ANXA8: variants seen among roughly 807,000 people sequenced by gnomAD.
ANXA8 encodes the protein annexin A8.
Under a neutral mutation model 26.8 loss-of-function variants are expected in ANXA8, and 9 were observed. The ratio of observed to expected loss-of-function variants is 0.34; its 90% CI spans 0.20 to 0.59. The LOEUF (loss-of-function observed/expected upper bound fraction) is 0.59, where lower values mean the gene tolerates loss of function less well. ANXA8 is among the 20% of genes least tolerant of loss of function. The probability of loss-of-function intolerance (pLI) is 0.84; values close to 1 mark genes in which losing one functional copy is unlikely to be tolerated. For missense variants in ANXA8, 83 were observed against 238.5 expected, an observed-to-expected ratio of 0.35 and a Z score of 4.29; for synonymous variants, 39 against 94.8, an observed-to-expected ratio of 0.41 and a Z score of 3.42.
the ANXA8 span, among the ~76,000 whole-genome samples, chr10:47,680,007 C>T: frequency 6.6e-6 from 1 of 151,152 alleles, no homozygotes; most frequent in African/African-American, 2.4e-5. Flanking sequence ...TGGAGTTTCT[C>T]TCTTGTTGCC....
At chr10:47,971,372 T>C in the ANXA8 span, among the ~76,000 whole-genome samples, 3 of 150,872 alleles carry the variant, frequency 2.0e-5, no homozygotes, top group Admixed American at 1.3e-4. Flanking sequence ...GCCCCTTTTT[T>C]CCAACTGAAG....
the ANXA8 span, among the ~76,000 whole-genome samples, chr10:47,535,186 C>T: frequency 1.5e-5 from 2 of 133,808 alleles, no homozygotes; most frequent in East Asian, 2.7e-4. Context: ...GTTGGCCAGG[C>T]TGTTCTCAAA....
the ANXA8 span, among the ~76,000 whole-genome samples, chr10:47,881,865 GTGTGTT>G: frequency 2.0e-5 from 3 of 151,812 alleles, no homozygotes. Context: ...GTGTCTATGT[GTGTGTT>G]TGTATGCAGG....
the ANXA8 span, among the ~76,000 whole-genome samples, chr10:47,950,745 GA>G: frequency 1.3e-5 from 2 of 150,848 alleles, no homozygotes; most frequent in Non-Finnish European, 2.9e-5. Flanking sequence ...GGATCAAAGA[GA>G]AAATCACAAA....
the ANXA8 span, among the ~76,000 whole-genome samples, chr10:47,687,707 T>C: frequency 6.6e-6 from 1 of 151,968 alleles, no homozygotes; most frequent in Non-Finnish European, 1.5e-5. Flanking sequence ...ACAGCTAATA[T>C]ACCAGTTATT....
chr10:47,768,247 T>C, the ANXA8 span, among the ~76,000 whole-genome samples: 59 of 151,604 alleles, frequency 3.9e-4, 1 homozygote, highest in African/African-American at 1.4e-3. Flanking sequence ...CTCCTGCCCC[T>C]CCTCCAGCTT....
chr10:47,546,225 A>T, the ANXA8 span, among the ~76,000 whole-genome samples: 3 of 140,870 alleles, frequency 2.1e-5, no homozygotes, highest in Non-Finnish European at 4.6e-5. Context: ...AAAAAAAAAA[A>T]AATCTTTTTT....
the ANXA8 span, among the ~76,000 whole-genome samples, chr10:47,649,443 T>C: frequency 1.3e-5 from 2 of 151,498 alleles, no homozygotes; most frequent in Admixed American, 1.3e-4. Context: ...GGAGTCTTGC[T>C]CTGTTGCCCA....
the ANXA8 span, among the ~76,000 whole-genome samples, chr10:47,547,305 T>G: frequency 1.2e-4 from 17 of 141,306 alleles, 1 homozygote; most frequent in Non-Finnish European, 2.2e-4. Context: ...CTACAGTACT[T>G]ACTGATTATA....
the ANXA8 span, among the ~76,000 whole-genome samples, chr10:47,957,566 A>C: frequency 6.7e-6 from 1 of 149,954 alleles, no homozygotes; most frequent in African/African-American, 2.5e-5. Flanking sequence ...TGACAGTGAA[A>C]GAAGATTTGT....
At chr10:47,755,416 C>T in the ANXA8 span, among the ~76,000 whole-genome samples, 40 of 152,310 alleles carry the variant, frequency 2.6e-4, no homozygotes, top group African/African-American at 8.7e-4. Flanking sequence ...CCACCACACC[C>T]AGCTAATTTT....
At chr10:47,907,214 G>A in the ANXA8 span, among the ~76,000 whole-genome samples, 32 of 151,862 alleles carry the variant, frequency 2.1e-4, no homozygotes, top group Non-Finnish European at 3.1e-4. Context: ...AAAATTAGCC[G>A]GGCGTGGTGG....
chr10:47,684,425 G>T, the ANXA8 span, among the ~76,000 whole-genome samples: 12 of 67,556 alleles, frequency 1.8e-4, no homozygotes, highest in South Asian at 2.1e-3. Context: ...TTTTTTTTTG[G>T]GGGGGGGGTG....
At chr10:47,495,355 G>C in the ANXA8 span, among the ~76,000 whole-genome samples, 1 of 148,154 alleles carries the variant, frequency 6.7e-6, no homozygotes, top group Non-Finnish European at 1.5e-5. Context: ...GCATGATCTC[G>C]GCTCACTGCA....
chr10:47,940,558 G>A, the ANXA8 span, among the ~76,000 whole-genome samples: 1 of 146,604 alleles, frequency 6.8e-6, no homozygotes, highest in Non-Finnish European at 1.5e-5. Flanking sequence ...GGCCGGGCAT[G>A]GTGGCTCACA....
At chr10:47,561,496 T>C in the ANXA8 span, among the ~76,000 whole-genome samples, 1 of 151,952 alleles carries the variant, frequency 6.6e-6, no homozygotes, top group Admixed American at 6.6e-5. Context: ...TGAGGCTTTG[T>C]GCCCTTTGAC....
chr10:47,511,029 C>T, the ANXA8 span, among the ~76,000 whole-genome samples: 45 of 126,584 alleles, frequency 3.6e-4, 4 homozygotes, highest in Non-Finnish European at 1.3e-4. Flanking sequence ...CTGCAAGCTC[C>T]GCCTCCCGGG....
At chr10:47,940,122 T>C in the ANXA8 span, among the ~76,000 whole-genome samples, 1 of 151,336 alleles carries the variant, frequency 6.6e-6, no homozygotes, top group Admixed American at 6.6e-5. Flanking sequence ...GTTTCGTGTC[T>C]GCATCCCTGG....
At chr10:47,943,087 CAG>C in the ANXA8 span, among the ~76,000 whole-genome samples, 1 of 146,020 alleles carries the variant, frequency 6.8e-6, no homozygotes. Flanking sequence ...TTGTTTCATT[CAG>C]AGTGTTAGGA....
Sources: gnomAD v4.1 joint callset for allele counts (sites outside exome capture counted in the v4.1 genomes callset) on GRCh38, gnomAD v4.1.1 for gene constraint, MANE v1.5 for transcripts, NCBI Gene and HGNC (gene_info 2026-07-23, HGNC 2026-07-21) for gene names.